CNBD1: variants seen among roughly 807,000 people sequenced by gnomAD.
CNBD1 encodes the protein cyclic nucleotide binding domain containing 1.
In CNBD1, 71 loss-of-function variants were observed where a neutral mutation model predicts 54.4. That is an observed-to-expected ratio of 1.30 (90% CI 1.08 to 1.59). The LOEUF (loss-of-function observed/expected upper bound fraction) is 1.59, where lower values mean the gene tolerates loss of function less well. Among genes scored for constraint, CNBD1 ranks in the 40% most tolerant of loss-of-function variants. The pLI is 0.00. For missense variants in CNBD1, 659 were observed against 518.0 expected (o/e 1.27, Z -2.64); for synonymous variants, 182 against 170.7 (o/e 1.07, Z -0.51).
At chr8:87,311,125 T>C (rs534387148) in intron 8 of CNBD1, among the ~76,000 whole-genome samples, 3 of 152,100 alleles carry the variant, frequency 2.0e-5, no homozygotes, top group South Asian at 2.1e-4. Flanking sequence ...CTAAAAAGCT[T>C]CTGCACAACA....
rs1309017939 is a variant in CNBD1 at position 86,892,590 on chromosome 8, AC to A, written c.158+4980del. Among the ~76,000 whole-genome samples the A allele has an allele frequency of 2.0e-5, 3 of 152,178 alleles. No individual in the cohort carries two copies. The East Asian group carries it at 5.8e-4, about 29-fold the overall frequency. ...TGCTTTTATAATAAAGAAGAAAATA[AC>A]ATTTTAAGATTTATAGTAAATCTTT... On this transcript the variant is annotated intron_variant, in intron 2 of 10. Transcript: ENST00000518476.
chr8:87,047,766 A>T (rs1810226994), intron 4 of CNBD1, among the ~76,000 whole-genome samples: 1 of 152,156 alleles, frequency 6.6e-6, no homozygotes, highest in Admixed American at 6.5e-5. Flanking sequence ...GGGGGGGTCT[A>T]TGGAGTTATG....
chr8:86,963,535 C>G (rs532937763), intron 4 of CNBD1, among the ~76,000 whole-genome samples: 1 of 152,280 alleles, frequency 6.6e-6, no homozygotes, highest in South Asian at 2.1e-4. Flanking sequence ...AGGGGCTGCT[C>G]TACCATTGCC....
chr8:87,192,748 G>A (rs1813639853), intron 4 of CNBD1, among the ~76,000 whole-genome samples: 1 of 152,142 alleles, frequency 6.6e-6, no homozygotes, highest in African/African-American at 2.4e-5. Flanking sequence ...TCAGGTATGT[G>A]TAGAGTAAGA....
intron 4 of CNBD1, among the ~76,000 whole-genome samples, chr8:87,066,783 A>G (rs1810664499): frequency 6.6e-6 from 1 of 151,960 alleles, no homozygotes; most frequent in Non-Finnish European, 1.5e-5. Context: ...AATAGTTTCA[A>G]AAATTGTGAT....
intron 4 of CNBD1, among the ~76,000 whole-genome samples, chr8:87,161,002 T>C (rs904475679): frequency 1.3e-5 from 2 of 152,108 alleles, no homozygotes; most frequent in African/African-American, 4.8e-5. Context: ...GCATCATCAA[T>C]GTTGTCTTCA....
chr8:86,874,986 T>TTTTATATATATATATATATA (rs1304865331), intron 1 of CNBD1, among the ~76,000 whole-genome samples: 5 of 120,114 alleles, frequency 4.2e-5, no homozygotes, highest in African/African-American at 1.7e-4. Flanking sequence ...GTAAATCAAT[T>TTTTATATATATATATATATA]TATATATATA....
intron 4 of CNBD1, among the ~76,000 whole-genome samples, chr8:87,192,075 A>G (rs1235559109): frequency 6.6e-6 from 1 of 152,198 alleles, no homozygotes; most frequent in Non-Finnish European, 1.5e-5. Context: ...AGTCTGTTCT[A>G]TCAAAATGAT....
intron 10 of CNBD1, among the ~76,000 whole-genome samples, chr8:87,381,843 A>T (rs2130960414): frequency 6.6e-6 from 1 of 152,064 alleles, no homozygotes; most frequent in Non-Finnish European, 1.5e-5. Flanking sequence ...CGAGGGGTTG[A>T]GGCATGGGAA....
At chr8:87,352,478 C>CA (rs386413278) in intron 9 of CNBD1, among the ~76,000 whole-genome samples, 21,039 of 107,304 alleles carry the variant, frequency 0.2, 2,223 homozygotes, top group South Asian at 0.26. Flanking sequence ...GACTCTGTCT[C>CA]AAAAAAAAAA....
At chr8:87,223,370 T>C (rs1395454698) in intron 5 of CNBD1, among the ~76,000 whole-genome samples, 14 of 152,034 alleles carry the variant, frequency 9.2e-5, no homozygotes, top group African/African-American at 3.1e-4. Flanking sequence ...TAGGTATATC[T>C]CCCAATGCTA....
chr8:87,085,949 T>C (rs965967872), intron 4 of CNBD1, among the ~76,000 whole-genome samples: 15 of 152,276 alleles, frequency 9.9e-5, no homozygotes, highest in African/African-American at 3.6e-4. Flanking sequence ...CTACATGCTT[T>C]TACCCTTGGG....
At chr8:87,047,013 G>A (rs1396877940) in intron 4 of CNBD1, among the ~76,000 whole-genome samples, 1 of 152,188 alleles carries the variant, frequency 6.6e-6, no homozygotes, top group Non-Finnish European at 1.5e-5. Context: ...TAGAATCACA[G>A]TTAGGAGGCG....
chr8:87,036,594 TAAAAAAAAAAAA>T (rs58299323), intron 4 of CNBD1, among the ~76,000 whole-genome samples: 1 of 64,744 alleles, frequency 1.5e-5, no homozygotes, highest in African/African-American at 6.0e-5. Context: ...ACTGCATCTC[TAAAAAAAAAAAA>T]AAAAAAAAAA....
chr8:87,219,374 T>G (rs1253991864), intron 5 of CNBD1, among the ~76,000 whole-genome samples: 1 of 152,026 alleles, frequency 6.6e-6, no homozygotes, highest in Non-Finnish European at 1.5e-5. Context: ...GTCCTCTACA[T>G]GTGGACGTGA....
Position 87,370,124 on chromosome 8 carries a change from T to C in CNBD1, c.1304-12496T>C, listed in dbSNP as rs1361795050. ...TGCCACATTTTCTTAATCCAGTCTA[T>C]CATTGTTGGACATTTGGGTTGGTTC... is the stretch of plus-strand genomic sequence containing the variant. On this transcript the variant is annotated intron_variant, in intron 10 of 10. Transcript: ENST00000518476. Among the ~76,000 whole-genome samples the C allele has an allele frequency of 3.2e-4, 49 of 152,014 alleles. 1 individual carries two copies. In the South Asian group the frequency reaches 3.5e-3, roughly 11 times the overall value.
intron 4 of CNBD1, among the ~76,000 whole-genome samples, chr8:86,972,510 A>T (rs1403600468): frequency 6.6e-6 from 1 of 152,212 alleles, no homozygotes; most frequent in Non-Finnish European, 1.5e-5. Context: ...ATTTTTAAAA[A>T]GGTGAAGCAT....
intron 4 of CNBD1, among the ~76,000 whole-genome samples, chr8:87,160,172 A>T (rs908573930): frequency 2.0e-5 from 3 of 152,038 alleles, no homozygotes; most frequent in African/African-American, 7.2e-5. Context: ...TGGAAATAGT[A>T]TTGTGAAAAA....
rs1026118613 is a variant in CNBD1 at position 86,939,944 on chromosome 8, A to G, written c.431+190A>G. 17 of 400,076 alleles carry G rather than the reference A, an allele frequency of 4.2e-5. No individual in the cohort carries two copies. In the East Asian group the frequency reaches 5.9e-4, roughly 14 times the overall value. 24.8% of individuals were successfully genotyped at this position (400,076 alleles called of 1,614,324 possible). A position where few individuals can be genotyped will look rare whatever the true frequency, so the allele number is the denominator to read the frequency against. ...ACAGTCTTCATGAATTCAGTCTTCA[A>G]TGGTGTATCACGGATATAATGCTAA... On this transcript the variant is annotated intron_variant, in intron 4 of 10. Transcript: ENST00000518476.
Sources: gnomAD v4.1 joint callset for allele counts (sites outside exome capture counted in the v4.1 genomes callset) on GRCh38, gnomAD v4.1.1 for gene constraint, MANE v1.5 for transcripts, NCBI Gene and HGNC (gene_info 2026-07-23, HGNC 2026-07-21) for gene names.